SGPP2: variants seen among roughly 807,000 people sequenced by gnomAD.
The protein encoded by SGPP2 is sphingosine 1-phosphate phosphohydrolase 2.
In SGPP2, 30 loss-of-function variants were observed where a neutral mutation model predicts 33.9. The ratio of observed to expected loss-of-function variants is 0.89; its 90% confidence interval spans 0.66 to 1.20. The LOEUF is 1.20. Among genes scored for constraint, SGPP2 ranks in the 50% most tolerant of loss-of-function variants. The pLI is 0.00. For missense variants in SGPP2, 458 were observed against 532.1 expected (o/e 0.86, Z 1.37); for synonymous variants, 233 against 225.0 (o/e 1.04, Z -0.32).
chr2:222,522,392 G>A (rs1698699785), intron 3 of SGPP2, among the ~76,000 whole-genome samples: 1 of 152,232 alleles, frequency 6.6e-6, no homozygotes, highest in African/African-American at 2.4e-5. Context: ...CAAAGAGTCT[G>A]TGCCTCAAAT....
intron 4 of SGPP2, among the ~76,000 whole-genome samples, chr2:222,542,650 AT>A (rs1047844806): frequency 3.9e-5 from 6 of 152,032 alleles, no homozygotes; most frequent in African/African-American, 1.5e-4. Context: ...TAATAATGAC[AT>A]TTAGCTTCAT....
intron 2 of SGPP2, among the ~76,000 whole-genome samples, chr2:222,475,353 G>A (rs969332897): frequency 6.6e-6 from 1 of 152,174 alleles, no homozygotes; most frequent in African/African-American, 2.4e-5. Flanking sequence ...TGTACTTTGA[G>A]ATATACTTTC....
intron 2 of SGPP2, among the ~76,000 whole-genome samples, chr2:222,517,622 T>A (rs573911796): frequency 6.6e-6 from 1 of 152,342 alleles, no homozygotes; most frequent in East Asian, 1.9e-4. Context: ...ACACTTAAGC[T>A]GTCTGTGATG....
chr2:222,526,589 C>G (rs1574878500), intron 4 of SGPP2, among the ~76,000 whole-genome samples: 1 of 152,176 alleles, frequency 6.6e-6, no homozygotes, highest in Non-Finnish European at 1.5e-5. Flanking sequence ...TCTGGGGCTA[C>G]TGTTTAATTT....
At chr2:222,522,350 C>T (rs1286708359) in intron 3 of SGPP2, among the ~76,000 whole-genome samples, 1 of 152,200 alleles carries the variant, frequency 6.6e-6, no homozygotes. Context: ...TCCACCAAAT[C>T]CCTCTGCCAG....
chr2:222,425,672 G>A (rs532035914), intron 1 of SGPP2, among the ~76,000 whole-genome samples: 2 of 152,264 alleles, frequency 1.3e-5, no homozygotes, highest in South Asian at 2.1e-4. Context: ...CTTTTCCCTC[G>A]GCAAAGTCAA....
At chr2:222,527,690 CA>C (rs1461477616) in intron 4 of SGPP2, among the ~76,000 whole-genome samples, 1 of 152,212 alleles carries the variant, frequency 6.6e-6, no homozygotes, top group African/African-American at 2.4e-5. Flanking sequence ...GGGCTTCTTT[CA>C]TGCTCATAAT....
intron 2 of SGPP2, among the ~76,000 whole-genome samples, chr2:222,521,212 C>CT (rs778601361): frequency 6.6e-6 from 1 of 152,236 alleles, no homozygotes; most frequent in Non-Finnish European, 1.5e-5. Context: ...AGAACAGTCA[C>CT]TTTTGTGGTT....
chr2:222,505,799 G>A (rs760692532), intron 2 of SGPP2, among the ~76,000 whole-genome samples: 2 of 151,834 alleles, frequency 1.3e-5, no homozygotes, highest in Non-Finnish European at 2.9e-5. Flanking sequence ...TCTGGGTTTG[G>A]CAGCAGGTAC....
chr2:222,552,942 G>C (rs35913657), intron 4 of SGPP2, among the ~76,000 whole-genome samples: 412 of 152,162 alleles, frequency 2.7e-3, no homozygotes, highest in Admixed American at 6.5e-3. Context: ...CATTAAAAAA[G>C]GACAAAAAAA....
At chr2:222,482,023 T>C (rs1253132814) in intron 2 of SGPP2, among the ~76,000 whole-genome samples, 1 of 152,200 alleles carries the variant, frequency 6.6e-6, no homozygotes, top group East Asian at 1.9e-4. Context: ...CTAATAATTA[T>C]TGGCTTTTGA....
chr2:222,478,267 TTGTGTGTGTG>T (rs113118208), intron 2 of SGPP2, among the ~76,000 whole-genome samples: 244 of 141,590 alleles, frequency 1.7e-3, no homozygotes, highest in Middle Eastern at 3.5e-3. Context: ...GTGCATGCAT[TTGTGTGTGTG>T]TGTGTGTGTG....
intron 2 of SGPP2, among the ~76,000 whole-genome samples, chr2:222,511,258 C>A (rs1311263792): frequency 6.6e-6 from 1 of 152,158 alleles, no homozygotes; most frequent in Non-Finnish European, 1.5e-5. Context: ...CCTGGAAAAC[C>A]TTTTGTCTGC....
chr2:222,464,544 A>G (rs1697714804), intron 1 of SGPP2, among the ~76,000 whole-genome samples: 1 of 152,206 alleles, frequency 6.6e-6, no homozygotes, highest in Admixed American at 6.5e-5. Context: ...GTGCAGTGGC[A>G]TGATCATGGC....
At chr2:222,484,216 TATG>T (rs904819785) in intron 2 of SGPP2, among the ~76,000 whole-genome samples, 3 of 152,192 alleles carry the variant, frequency 2.0e-5, no homozygotes, top group African/African-American at 7.2e-5. Flanking sequence ...TCTCTTTTTT[TATG>T]ATGATGACTG....
At chr2:222,519,599 C>T (rs936350338) in intron 2 of SGPP2, among the ~76,000 whole-genome samples, 5 of 152,128 alleles carry the variant, frequency 3.3e-5, no homozygotes, top group African/African-American at 4.8e-5. Flanking sequence ...GGGATATATG[C>T]GCAGGTTTGT....
chr2:222,539,876 C>T (rs534504754), intron 4 of SGPP2, among the ~76,000 whole-genome samples: 6 of 152,246 alleles, frequency 3.9e-5, no homozygotes, highest in East Asian at 1.9e-4. Context: ...TCCCTTTTTC[C>T]GGTGTCATCT....
intron 1 of SGPP2, among the ~76,000 whole-genome samples, chr2:222,463,971 G>GTA (rs1697704773): frequency 2.5e-5 from 1 of 39,764 alleles, no homozygotes. Context: ...AATCCTGTAC[G>GTA]TGTGTTGGGG....
chr2:222,545,438 C>G (rs531462986), intron 4 of SGPP2, among the ~76,000 whole-genome samples: 1 of 152,028 alleles, frequency 6.6e-6, no homozygotes, highest in Non-Finnish European at 1.5e-5. Context: ...TGTGCCACCA[C>G]GCCTGGCTAA....
Sources: gnomAD v4.1 joint callset for allele counts (sites outside exome capture counted in the v4.1 genomes callset) on GRCh38, gnomAD v4.1.1 for gene constraint, MANE v1.5 for transcripts, NCBI Gene and HGNC (gene_info 2026-07-23, HGNC 2026-07-21) for gene names.